The following MPP2 variants were observed in gnomAD, a reference collection of about 807,000 sequenced individuals.
The protein encoded by MPP2 is MAGUK p55 scaffold protein 2, also known as MAGUK p55 subfamily member 2.
A neutral mutation model predicts 58.5 loss-of-function variants in MPP2; 42 were observed. The ratio of observed to expected loss-of-function variants is 0.72; its 90% CI spans 0.56 to 0.93. The LOEUF (loss-of-function observed/expected upper bound fraction) is 0.93. Among genes scored for constraint, MPP2 ranks in the 40% least tolerant of loss-of-function variants. The pLI, the probability that MPP2 is intolerant of heterozygous loss-of-function variation, is 0.00. For missense variants in MPP2, 632 were observed against 760.4 expected (o/e 0.83, Z 1.99); for synonymous variants, 300 against 307.8 (o/e 0.97, Z 0.26).
At position 43,879,192 on chromosome 17, in the gene MPP2, C is replaced by T. The variant is rs1386408930; in HGVS notation, c.1482+83G>A. Reference sequence around the variant, plus strand: ...GGCCCCTGTCCCTCCCCAACACCACCTCCTTCTCTCTGTCAGCTCAGGCCT... The same window carrying T: ...GGCCCCTGTCCCTCCCCAACACCACTTCCTTCTCTCTGTCAGCTCAGGCCT... On this transcript the variant is annotated intron_variant, in intron 12 of 12. Coordinates refer to ENST00000269095, the MANE Select transcript of MPP2 (RefSeq NM_005374.5). This position sits in a 1 kb window ranked among gnomAD's most constrained non-coding sequence, Gnocchi z 4.1. 1 of 1,513,438 alleles carries T rather than the reference C, an allele frequency of 6.6e-7. No individual in the cohort carries two copies. The highest frequency in any genetic ancestry group is 9.0e-7 in the Non-Finnish European group (1 of 1,116,266). 93.8% of individuals were successfully genotyped at this position (1,513,438 alleles called of 1,614,324 possible).
intron 2 of MPP2, chr17:43,900,541 G>T (rs1342143927): frequency 1.9e-6 from 3 of 1,546,458 alleles, no homozygotes; most frequent in Admixed American, 3.9e-5. Flanking sequence ...CGCTGCCTGG[G>T]CTGCCTGCCA....
intron 1 of MPP2, among the ~76,000 whole-genome samples, chr17:43,905,168 A>G (rs907305731): frequency 7.2e-6 from 1 of 139,426 alleles, no homozygotes; most frequent in Admixed American, 7.2e-5. Flanking sequence ...CAGAGCAAGA[A>G]CCTGTCTTAA....
Position 43,903,043 on chromosome 17 carries a change from T to C in MPP2, c.31+1387A>G, listed in dbSNP as rs371349386. On this transcript the variant is annotated intron_variant, in intron 2 of 12. Coordinates refer to ENST00000269095, the MANE Select transcript of MPP2 (RefSeq NM_005374.5). ...GCTCATGCCTGTAATCCCAGCACTT[T>C]GGGAGGCCAAGGCAGGTGGATCACC... Among the ~76,000 whole-genome samples the C allele has an allele frequency of 2.6e-5, 4 of 152,180 alleles. No homozygotes were observed. In the East Asian group the frequency reaches 5.8e-4, roughly 22 times the overall value.
intron 2 of MPP2, among the ~76,000 whole-genome samples, chr17:43,902,720 G>A (rs1250446913): frequency 2.0e-5 from 3 of 152,188 alleles, no homozygotes; most frequent in Admixed American, 6.5e-5. Flanking sequence ...GGCAGAGGCA[G>A]TAGTGGGGCC....
chr17:43,904,279 G>T, intron 2 of MPP2, 151 bp downstream of exon 2: 1 of 683,294 alleles, frequency 1.5e-6, no homozygotes, highest in Non-Finnish European at 2.6e-6. Flanking sequence ...GATGGCCACA[G>T]CAGCTGCCAG....
chr17:43,899,306 G>A lies in MPP2; in HGVS notation c.32-926C>T, dbSNP rs868579783. ...AAGCTCCTCACTCAACCTCTAGATG[G>A]GCTGAAGCCCAGGGCTCAGCCACCT... On this transcript the variant is annotated intron_variant, in intron 2 of 12. Transcript: ENST00000269095. Among the ~76,000 whole-genome samples, 15 of 152,176 alleles carry A rather than the reference G, an allele frequency of 9.9e-5. 1 individual carries two copies. Among genetic ancestry groups the A allele is most frequent in the Middle Eastern group, 6.8e-3 (2 of 294 alleles).
intron 1 of MPP2, among the ~76,000 whole-genome samples, chr17:43,905,844 A>G (rs951631894): frequency 3.3e-5 from 5 of 152,108 alleles, no homozygotes; most frequent in African/African-American, 9.7e-5. Context: ...ACCTGAGCTC[A>G]GGTGACAGAA....
chr17:43,907,131 A>G, intron 1 of MPP2: 9 of 972,414 alleles, frequency 9.3e-6, no homozygotes, highest in Non-Finnish European at 1.1e-5. Flanking sequence ...GTTCTTACGT[A>G]ATGCCGGGCT....
chr17:43,880,708 T>C lies in MPP2; in HGVS notation c.1133A>G (p.Tyr378Cys), dbSNP rs751051346. 8 of 1,612,048 alleles carry C rather than the reference T, an allele frequency of 5.0e-6. 1 individual carries two copies. In the South Asian group the frequency reaches 5.5e-5, roughly 11 times the overall value. The change falls in exon 10 of 13, where the codon TAT (tyrosine) becomes TGT (cysteine). Residue 378 changes from tyrosine (Y) to cysteine (C), a missense_variant. By Grantham distance (194) the Tyr-to-Cys change is radical. Coordinates refer to ENST00000269095, the MANE Select transcript of MPP2 (RefSeq NM_005374.5). The surrounding 1 kb of genome is among the most constrained non-coding windows in gnomAD (Gnocchi z 5.2). ...NKLIMWDPDR[Y>C]GTTVPYTSRR... ...CCACTCACAGGGCACCGTGGTGCCA[T>C]AGCGATCTGGATCCCACATGATGAG...
rs1054151379 is a variant in MPP2, at chr17:43,901,312, C to T, written c.32-2932G>A. ...TCGCCTCACAGCAGCTTCTTCCCCT[C>T]CCCCATCTCCCATGAGTTCTTCCTC... On this transcript the variant is annotated intron_variant, in intron 2 of 12. Coordinates refer to ENST00000269095, the MANE Select transcript of MPP2 (RefSeq NM_005374.5). The T allele has an allele frequency of 7.1e-6, 7 of 985,574 alleles. No homozygotes were observed. The African/African-American group carries it at 1.2e-4, about 17-fold the overall frequency. 61.1% of individuals were successfully genotyped at this position (985,574 alleles called of 1,614,324 possible).
intron 3 of MPP2, among the ~76,000 whole-genome samples, chr17:43,886,900 T>C (rs1388068948): frequency 6.6e-6 from 1 of 152,214 alleles, no homozygotes; most frequent in East Asian, 1.9e-4. Context: ...TTTCCCAATT[T>C]TTCTGTCAGG....
At chr17:43,906,667 G>A (rs1457181987) in intron 1 of MPP2, among the ~76,000 whole-genome samples, 1 of 152,128 alleles carries the variant, frequency 6.6e-6, no homozygotes, top group Admixed American at 6.5e-5. Flanking sequence ...CCAGGCGGAC[G>A]TGCATGCTTG....
At chr17:43,903,636 A>G (rs2048181671) in intron 2 of MPP2, among the ~76,000 whole-genome samples, 1 of 152,192 alleles carries the variant, frequency 6.6e-6, no homozygotes, top group Non-Finnish European at 1.5e-5. Flanking sequence ...GCAGTGAGCC[A>G]AGCTTGCGCC....
At chr17:43,884,672 C>T (rs2143598731) in intron 3 of MPP2, among the ~76,000 whole-genome samples, 1 of 152,328 alleles carries the variant, frequency 6.6e-6, no homozygotes, top group African/African-American at 2.4e-5. Context: ...TACTTTGAGA[C>T]TATGTGACTA....
intron 3 of MPP2, among the ~76,000 whole-genome samples, chr17:43,887,367 G>A (rs906994500): frequency 2.0e-5 from 3 of 152,118 alleles, no homozygotes; most frequent in East Asian, 3.9e-4. Context: ...CTGAGTGACA[G>A]AGCAAGACCC....
intron 1 of MPP2, among the ~76,000 whole-genome samples, chr17:43,905,775 G>A (rs2048265142): frequency 6.6e-6 from 1 of 152,150 alleles, no homozygotes; most frequent in African/African-American, 2.4e-5. Flanking sequence ...CAGAGGACTA[G>A]TACCTGATTT....
intron 2 of MPP2, chr17:43,900,366 A>G (rs760589494): frequency 1.6e-5 from 21 of 1,354,056 alleles, no homozygotes; most frequent in Non-Finnish European, 2.1e-5. Context: ...AGGTGCCCTC[A>G]GATGACCTCT....
intron 2 of MPP2, chr17:43,900,443 C>CCCCCCCCACA: frequency 6.5e-7 from 1 of 1,546,074 alleles, no homozygotes; most frequent in Non-Finnish European, 8.7e-7. Context: ...CCAGCTGCCC[C>CCCCCCCCACA]GCCCCCATCT....
At position 43,883,001 on chromosome 17, in the gene MPP2, G is replaced by T. The variant is rs1433822123; in HGVS notation, c.355C>A (p.Pro119Thr). Reference sequence around the variant, plus strand: ...GTAGGGTCCAGGCCAGGGCTGGGGGGTGGTGTCTCATAGGTCTTTGAGGCC... The same window carrying T: ...GTAGGGTCCAGGCCAGGGCTGGGGGTTGGTGTCTCATAGGTCTTTGAGGCC... ...SVASKTYETP[P>T]PSPGLDPTFS... The change falls in exon 5 of 13, where the codon CCC becomes ACC. Residue 119 changes from proline (P) to threonine (T), a missense_variant. Transcript: ENST00000269095. The T allele has an allele frequency of 1.2e-6, 2 of 1,610,270 alleles. No homozygotes were observed. Among genetic ancestry groups the T allele is most frequent in the African/African-American group, 1.3e-5 (1 of 74,948 alleles).
Sources: allele counts gnomAD v4.1 joint callset (sites outside exome capture counted in the v4.1 genomes callset), GRCh38; gene constraint gnomAD v4.1.1; non-coding constraint Gnocchi (gnomAD v3.1); transcripts MANE v1.5; gene names NCBI Gene and HGNC (gene_info 2026-07-23, HGNC 2026-07-21).